DNMT3A: variants seen among roughly 807,000 people sequenced by gnomAD.
DNMT3A encodes the protein DNA (cytosine-5)-methyltransferase 3A.
In DNMT3A, 267 loss-of-function variants were observed where a neutral mutation model predicts 117.6. That is an observed-to-expected ratio of 2.27 (90% CI 2.05 to 2.51). The LOEUF is 2.51. Among genes scored for constraint, DNMT3A ranks in the 30% most tolerant of loss-of-function variants. The probability of loss-of-function intolerance (pLI) is 0.00; values close to 1 mark genes in which losing one functional copy is unlikely to be tolerated. For synonymous variants in DNMT3A, 432 were observed against 474.8 expected (o/e 0.91, Z 1.17); for missense variants, 1,029 against 1,260.2 (o/e 0.82, Z 2.78).
intron 6 of DNMT3A, among the ~76,000 whole-genome samples, chr2:25,260,543 A>C (rs1676512913): frequency 6.6e-6 from 1 of 152,064 alleles, no homozygotes; most frequent in African/African-American, 2.4e-5. Flanking sequence ...CTGAGCTGTT[A>C]TTCCTGTTTT....
chr2:25,235,012 G>C (rs999707281), intron 22 of DNMT3A, among the ~76,000 whole-genome samples: 1 of 152,138 alleles, frequency 6.6e-6, no homozygotes, highest in African/African-American at 2.4e-5. Context: ...AGTCCCATTT[G>C]CATCAAATCA....
chr2:25,271,375 G>A (rs1276439601), intron 6 of DNMT3A, among the ~76,000 whole-genome samples: 1 of 152,088 alleles, frequency 6.6e-6, no homozygotes, highest in Non-Finnish European at 1.5e-5. Flanking sequence ...AAAGAAAACA[G>A]GCCTGATAGC....
At chr2:25,326,471 C>A (rs1051416416) in intron 1 of DNMT3A, among the ~76,000 whole-genome samples, 3 of 152,110 alleles carry the variant, frequency 2.0e-5, no homozygotes, top group African/African-American at 4.8e-5. Flanking sequence ...GTAAACTGTG[C>A]CAGTTATCAG....
chr2:25,264,882 A>C (rs992415191), intron 6 of DNMT3A, among the ~76,000 whole-genome samples: 2 of 152,208 alleles, frequency 1.3e-5, no homozygotes, highest in Non-Finnish European at 2.9e-5. Flanking sequence ...CTAGGTAATA[A>C]AGAGAGTGCA....
chr2:25,252,248 C>G lies in DNMT3A; in HGVS notation c.640-3996G>C. ...TCGCGCTCAGGTGTGAGCCGCGGCC[C>G]TGAAGCTCTGGAAGTAGCTGCCCGT... On this transcript the variant is annotated intron_variant, in intron 6 of 22. Coordinates refer to ENST00000321117, the MANE Select transcript of DNMT3A (RefSeq NM_022552.5). The surrounding 1 kb of genome is among the most constrained non-coding windows in gnomAD (Gnocchi z 5.5). The G allele has an allele frequency of 1.4e-6, 2 of 1,466,632 alleles. No homozygotes were observed. Among genetic ancestry groups the G allele is most frequent in the Non-Finnish European group, 1.8e-6 (2 of 1,100,158 alleles). 90.9% of individuals were successfully genotyped at this position (1,466,632 alleles called of 1,614,324 possible). A position where few individuals can be genotyped will look rare whatever the true frequency, so the allele number is the denominator to read the frequency against.
intron 6 of DNMT3A, among the ~76,000 whole-genome samples, chr2:25,272,528 G>A (rs931224806): frequency 1.3e-5 from 2 of 152,108 alleles, no homozygotes; most frequent in Non-Finnish European, 2.9e-5. Context: ...GAAACACTTC[G>A]CTCACAGAAC....
chr2:25,259,716 A>G (rs996012832), intron 6 of DNMT3A, among the ~76,000 whole-genome samples: 1 of 151,586 alleles, frequency 6.6e-6, no homozygotes, highest in African/African-American at 2.4e-5. Context: ...TGTTTTCCCC[A>G]CCCTTCCCCC....
In DNMT3A at chr2:25,252,452, C is replaced by G; in HGVS notation, c.640-4200G>C. 2 of 409,310 alleles carry G rather than the reference C, an allele frequency of 4.9e-6. No homozygotes were observed. The highest frequency in any genetic ancestry group is 8.7e-6 in the Non-Finnish European group (2 of 230,384). 25.4% of individuals were successfully genotyped at this position (409,310 alleles called of 1,614,324 possible). The stretch of plus-strand genomic sequence containing the variant: ...CGGGGAGGGGGCCGGCGCTCCGACG[C>G]TGGCGCTGGGCCAGCCCCTCTTCTC... On this transcript the variant is annotated intron_variant, in intron 6 of 22. Coordinates refer to ENST00000321117, the MANE Select transcript of DNMT3A (RefSeq NM_022552.5). The surrounding 1 kb of genome is among the most constrained non-coding windows in gnomAD (Gnocchi z 5.5).
chr2:25,261,800 T>A (rs1420390709), intron 6 of DNMT3A, among the ~76,000 whole-genome samples: 2 of 152,018 alleles, frequency 1.3e-5, no homozygotes, highest in Non-Finnish European at 2.9e-5. Flanking sequence ...CCTATCCTGG[T>A]CCTCTCCTAG....
intron 3 of DNMT3A, among the ~76,000 whole-genome samples, chr2:25,284,963 C>T (rs1399876737): frequency 1.3e-5 from 2 of 152,202 alleles, no homozygotes; most frequent in African/African-American, 2.4e-5. Context: ...CCCTCCATCC[C>T]AGTGCAGATG....
intron 6 of DNMT3A, among the ~76,000 whole-genome samples, chr2:25,267,252 G>T (rs1018869463): frequency 6.6e-6 from 1 of 152,200 alleles, no homozygotes; most frequent in Non-Finnish European, 1.5e-5. Context: ...ACACCAAACT[G>T]ATAGCATCAA....
At chr2:25,326,582 A>T (rs1477423013) in intron 1 of DNMT3A, among the ~76,000 whole-genome samples, 1 of 152,202 alleles carries the variant, frequency 6.6e-6, no homozygotes. Context: ...CTGAAGAGGC[A>T]TTGAAGGAGG....
At chr2:25,332,745 A>G (rs1394250550) in intron 1 of DNMT3A, among the ~76,000 whole-genome samples, 1 of 152,258 alleles carries the variant, frequency 6.6e-6, no homozygotes, top group Non-Finnish European at 1.5e-5. Context: ...CTGAGCTTCC[A>G]GTACCAGGCA....
At chr2:25,262,374 G>A (rs544529799) in intron 6 of DNMT3A, among the ~76,000 whole-genome samples, 1 of 152,168 alleles carries the variant, frequency 6.6e-6, no homozygotes, top group African/African-American at 2.4e-5. Flanking sequence ...GGAAAAAAAT[G>A]GGTAAGTTGG....
chr2:25,331,535 T>C (rs1430010540), intron 1 of DNMT3A, among the ~76,000 whole-genome samples: 2 of 152,180 alleles, frequency 1.3e-5, no homozygotes, highest in Non-Finnish European at 2.9e-5. Flanking sequence ...TCTCAGACGG[T>C]GATGATGCTC....
Position 25,314,161 on chromosome 2 carries a change from C to A in DNMT3A, c.-177G>T. ...GTGGGTGGGGGCTTCGATGGCTCCA[C>A]CTGTGGGGGAGAGAAGAGGATCAGT... On this transcript the variant is annotated splice_region_variant and 5_prime_UTR_variant, in exon 2 of 23. Coordinates refer to ENST00000321117, the MANE Select transcript of DNMT3A (RefSeq NM_022552.5). The A allele has an allele frequency of 7.0e-7, 1 of 1,424,034 alleles. No homozygotes were observed. The highest frequency in any genetic ancestry group is 1.4e-5 in the African/African-American group (1 of 69,172). 88.2% of individuals were successfully genotyped at this position (1,424,034 alleles called of 1,614,324 possible). A position where few individuals can be genotyped will look rare whatever the true frequency, so the allele number is the denominator to read the frequency against.
At position 25,252,249 on chromosome 2, in the gene DNMT3A, T is replaced by G; in HGVS notation, c.640-3997A>C. 1 of 1,484,284 alleles carries G rather than the reference T, an allele frequency of 6.7e-7. No homozygotes were observed. Among genetic ancestry groups the G allele is most frequent in the Non-Finnish European group, 9.0e-7 (1 of 1,116,404 alleles). The allele number at this position is 1,484,284 out of a possible 1,614,324, so 91.9% of individuals were successfully genotyped here. Reference sequence around the variant, plus strand: ...CGCGCTCAGGTGTGAGCCGCGGCCCTGAAGCTCTGGAAGTAGCTGCCCGTC... The same window carrying G: ...CGCGCTCAGGTGTGAGCCGCGGCCCGGAAGCTCTGGAAGTAGCTGCCCGTC... On this transcript the variant is annotated intron_variant, in intron 6 of 22. Transcript: ENST00000321117. The surrounding 1 kb of genome is among the most constrained non-coding windows in gnomAD (Gnocchi z 5.5).
chr2:25,320,647 GA>G (rs200109221), intron 1 of DNMT3A, among the ~76,000 whole-genome samples: 4 of 148,914 alleles, frequency 2.7e-5, no homozygotes, highest in Admixed American at 6.7e-5. Flanking sequence ...TAACTTCAGG[GA>G]AAAAAAAACG....
intron 3 of DNMT3A, among the ~76,000 whole-genome samples, chr2:25,290,390 G>A (rs993603129): frequency 4.0e-5 from 6 of 148,840 alleles, no homozygotes; most frequent in Non-Finnish European, 7.4e-5. Flanking sequence ...GTGTGATCTC[G>A]TCTCATTACA....
Sources: gnomAD v4.1 joint callset for allele counts (sites outside exome capture counted in the v4.1 genomes callset) on GRCh38, gnomAD v4.1.1 for gene constraint, Gnocchi (gnomAD v3.1) non-coding constraint, MANE v1.5 for transcripts, NCBI Gene and HGNC (gene_info 2026-07-23, HGNC 2026-07-21) for gene names.